SLC14A2: variants seen among roughly 807,000 people sequenced by gnomAD.
SLC14A2 encodes the protein solute carrier family 14 member 2.
SLC14A2 carries 91 observed loss-of-function variants against 104.6 expected under a neutral mutation model. The observed-to-expected ratio is 0.87, with a 90% CI of 0.73 to 1.04. The LOEUF is 1.04. SLC14A2 is among the 50% of genes least tolerant of loss of function. The pLI is 0.00. For missense variants in SLC14A2, 1,189 were observed against 1,156.0 expected, an observed-to-expected ratio of 1.03 and a Z score of -0.41; for synonymous variants, 476 against 466.4, an observed-to-expected ratio of 1.02 and a Z score of -0.27.
chr18:45,206,124 C>A, the SLC14A2 span, among the ~76,000 whole-genome samples: 1 of 152,178 alleles, frequency 6.6e-6, no homozygotes, highest in Non-Finnish European at 1.5e-5. Context: ...CAGAGTTGAT[C>A]TTTACACTGA....
At chr18:45,600,300 A>G (rs1943729390) in intron 2 of SLC14A2, among the ~76,000 whole-genome samples, 1 of 151,934 alleles carries the variant, frequency 6.6e-6, no homozygotes, top group African/African-American at 2.4e-5. Context: ...ATGAGTGAAG[A>G]CCATCACGGG....
intron 1 of SLC14A2, among the ~76,000 whole-genome samples, chr18:45,382,767 T>C (rs61329537): frequency 1.7e-3 from 265 of 152,354 alleles, no homozygotes; most frequent in African/African-American, 6.0e-3. Flanking sequence ...AGATGTCTCT[T>C]TTTTACTTCA....
At chr18:45,233,882 T>C (rs920444081) in intron 1 of SLC14A2, among the ~76,000 whole-genome samples, 2 of 151,306 alleles carry the variant, frequency 1.3e-5, no homozygotes, top group African/African-American at 4.9e-5. Flanking sequence ...CTTCCACTCA[T>C]TTGCCTCTGT....
intron 1 of SLC14A2, among the ~76,000 whole-genome samples, chr18:45,397,978 C>CT (rs2086054651): frequency 6.6e-6 from 1 of 151,960 alleles, no homozygotes; most frequent in Non-Finnish European, 1.5e-5. Flanking sequence ...GTTTACATCA[C>CT]TTTTTTGCAT....
At chr18:45,437,863 G>A (rs887631661) in intron 1 of SLC14A2, among the ~76,000 whole-genome samples, 1 of 152,174 alleles carries the variant, frequency 6.6e-6, no homozygotes, top group African/African-American at 2.4e-5. Context: ...CAAGTATGAG[G>A]ATTCATATTC....
At chr18:45,626,729 A>G (rs1257986229) in intron 3 of SLC14A2, among the ~76,000 whole-genome samples, 1 of 151,730 alleles carries the variant, frequency 6.6e-6, no homozygotes, top group African/African-American at 2.4e-5. Flanking sequence ...CTCTGTCTAT[A>G]TGGCAAAAAC....
intron 1 of SLC14A2, among the ~76,000 whole-genome samples, chr18:45,391,266 T>C (rs1408371781): frequency 6.6e-6 from 1 of 152,246 alleles, no homozygotes; most frequent in Non-Finnish European, 1.5e-5. Flanking sequence ...CATCATTTTT[T>C]ATGGCTGCAT....
At chr18:45,423,632 C>T (rs969595900) in intron 1 of SLC14A2, 1 of 152,074 alleles carries the variant, frequency 6.6e-6, no homozygotes, top group African/African-American at 2.4e-5. Flanking sequence ...GACCTCTGAG[C>T]TGGAAATCAA....
At chr18:45,642,914 G>A (rs1287246151) in intron 8 of SLC14A2, among the ~76,000 whole-genome samples, 5 of 152,356 alleles carry the variant, frequency 3.3e-5, no homozygotes, top group South Asian at 2.1e-4. Flanking sequence ...ATCTCTGCCC[G>A]AAGAATGAAC....
At chr18:45,368,503 G>A (rs2085689332) in intron 1 of SLC14A2, among the ~76,000 whole-genome samples, 2 of 152,140 alleles carry the variant, frequency 1.3e-5, no homozygotes, top group Admixed American at 1.3e-4. Flanking sequence ...AAGATTTAAG[G>A]AAGAACCCAC....
intron 1 of SLC14A2, among the ~76,000 whole-genome samples, chr18:45,339,868 C>A (rs2085376241): frequency 6.6e-6 from 1 of 152,154 alleles, no homozygotes; most frequent in Non-Finnish European, 1.5e-5. Flanking sequence ...GTTAATAGTG[C>A]CAGGACAACT....
intron 1 of SLC14A2, among the ~76,000 whole-genome samples, chr18:45,397,072 G>A (rs978393611): frequency 1.3e-5 from 2 of 152,110 alleles, no homozygotes; most frequent in Admixed American, 6.5e-5. Flanking sequence ...GTCATTGACG[G>A]GCATTTAGGT....
intron 1 of SLC14A2, among the ~76,000 whole-genome samples, chr18:45,397,978 C>T (rs2086054624): frequency 6.6e-6 from 1 of 152,078 alleles, no homozygotes; most frequent in Middle Eastern, 3.4e-3. Flanking sequence ...GTTTACATCA[C>T]TTTTTTGCAT....
intron 1 of SLC14A2, among the ~76,000 whole-genome samples, chr18:45,475,476 T>C (rs2087342080): frequency 6.6e-6 from 1 of 151,560 alleles, no homozygotes; most frequent in Non-Finnish European, 1.5e-5. Context: ...AATACACTAT[T>C]ATTGTGTGGG....
At position 45,608,961 on chromosome 18, in the gene SLC14A2, T is replaced by C. The variant is rs996881908; in HGVS notation, c.-34-15670T>C. On this transcript the variant is annotated intron_variant, in intron 2 of 20. Transcript: ENST00000586448. ...ATGTCTATTTCAAAGTCTAGCTGGT[T>C]TGCCAGGAGCCACAGGGCAATGGAA... is the stretch of plus-strand genomic sequence containing the variant. Among the ~76,000 whole-genome samples, 4 of 152,196 alleles carry C rather than the reference T, an allele frequency of 2.6e-5. No individual in the cohort carries two copies. In the South Asian group the frequency reaches 8.3e-4, roughly 31 times the overall value.
At chr18:45,332,599 C>T (rs2085301261) in intron 1 of SLC14A2, among the ~76,000 whole-genome samples, 1 of 151,990 alleles carries the variant, frequency 6.6e-6, no homozygotes, top group African/African-American at 2.4e-5. Context: ...AAGAGACTTC[C>T]AAAATAGTAG....
At chr18:45,460,976 C>T (rs1440297699) in intron 1 of SLC14A2, among the ~76,000 whole-genome samples, 1 of 152,132 alleles carries the variant, frequency 6.6e-6, no homozygotes, top group Non-Finnish European at 1.5e-5. Flanking sequence ...ACCTGGTGTC[C>T]TAAGTCCAGG....
intron 1 of SLC14A2, among the ~76,000 whole-genome samples, chr18:45,274,913 C>G (rs925553881): frequency 6.6e-6 from 1 of 152,180 alleles, no homozygotes; most frequent in East Asian, 1.9e-4. Context: ...AGACTTGATT[C>G]CCTGTTTTGA....
intron 1 of SLC14A2, among the ~76,000 whole-genome samples, chr18:45,615,807 G>A (rs1277092580): frequency 1.3e-5 from 2 of 150,146 alleles, no homozygotes; most frequent in East Asian, 2.0e-4. Flanking sequence ...GTGTGTATGT[G>A]TAGGGGTGTA....
Sources: allele counts gnomAD v4.1 joint callset (sites outside exome capture counted in the v4.1 genomes callset), GRCh38; gene constraint gnomAD v4.1.1; transcripts MANE v1.5; gene names NCBI Gene and HGNC (gene_info 2026-07-23, HGNC 2026-07-21).